UBR2: variants seen among roughly 807,000 people sequenced by gnomAD.
UBR2 encodes the protein E3 ubiquitin-protein ligase UBR2.
In UBR2, 92 loss-of-function variants were observed where a neutral mutation model predicts 247.9. The ratio of observed to expected loss-of-function variants is 0.37; its 90% CI spans 0.31 to 0.44. The LOEUF (loss-of-function observed/expected upper bound fraction) is 0.44, where lower values mean the gene tolerates loss of function less well. Among genes scored for constraint, UBR2 ranks in the 20% least tolerant of loss-of-function variants. The probability of loss-of-function intolerance (pLI) is 1.00; values close to 1 mark genes in which losing one functional copy is unlikely to be tolerated. For missense variants in UBR2, 1,613 were observed against 2,112.6 expected, an observed-to-expected ratio of 0.76 and a Z score of 4.64; for synonymous variants, 672 against 693.5, an observed-to-expected ratio of 0.97 and a Z score of 0.49.
intron 36 of UBR2, among the ~76,000 whole-genome samples, chr6:42,671,866 C>A (rs960042045): frequency 2.0e-5 from 3 of 152,186 alleles, no homozygotes; most frequent in African/African-American, 7.2e-5. Context: ...TGATCCCCAC[C>A]TGTGTATCTC....
rs138557643 is a variant in UBR2, at chr6:42,658,058, A to G, written c.2907A>G (p.Ile969Met). 3.7e-6 allele frequency: 6 copies of G among 1,613,954 alleles called. No individual in the cohort carries two copies. In the African/African-American group the frequency reaches 5.3e-5, roughly 14 times the overall value. ...AAGCGCCAAAAAATTCTCCTAGCATACTAGCTATGCTGGAAACACTACAAA... is the reference window on the plus strand; with the variant it reads ...AAGCGCCAAAAAATTCTCCTAGCATGCTAGCTATGCTGGAAACACTACAAA... Reference protein sequence around the residue: ...PGEAPKNSPSILAMLETLQNA... With the variant: ...PGEAPKNSPSMLAMLETLQNA... Residue 969 changes from isoleucine (I) to methionine (M), a missense_variant, in exon 27 of 47, where the codon ATA becomes ATG. Ile to Met is a conservative substitution (Grantham distance 10). Transcript: ENST00000372901.
At chr6:42,688,171 G>A in intron 44 of UBR2, 45 bp from the exon 45 acceptor site, 1 of 1,613,444 alleles carries the variant, frequency 6.2e-7, no homozygotes, top group East Asian at 2.2e-5. Flanking sequence ...TAGCTCTTTA[G>A]CCACTCTTTA....
chr6:42,617,648 C>A, intron 11 of UBR2, 141 bp downstream of exon 11: 1 of 746,120 alleles, frequency 1.3e-6, no homozygotes, highest in Non-Finnish European at 2.1e-6. Context: ...CTTCACTATT[C>A]TTTTACTAGA....
Position 42,648,142 on chromosome 6 carries a change from A to G in UBR2, c.2434A>G (p.Ser812Gly). ...GGAGAACAAGGAGACTGGCATGGAG[A>G]GTGTAATCGAAGCAGTTGCCCATTT... ...EDENKETGMESVIEAVAHFKK... is the reference protein window; with the variant it reads ...EDENKETGMEGVIEAVAHFKK... The change falls in exon 22 of 47, where the codon AGT (serine) becomes GGT (glycine). Residue 812 changes from serine (S) to glycine (G), a missense_variant. Coordinates refer to ENST00000372901, the MANE Select transcript of UBR2 (RefSeq NM_001363705.2). The G allele has an allele frequency of 6.2e-7, 1 of 1,614,008 alleles. No individual in the cohort carries two copies. Among genetic ancestry groups the G allele is most frequent in the South Asian group, 1.1e-5 (1 of 91,074 alleles).
In UBR2 at chr6:42,658,857, G is replaced by A. The variant is rs745474375; in HGVS notation, c.3242+33G>A. 15 of 1,490,310 alleles carry A rather than the reference G, an allele frequency of 1.0e-5. No homozygotes were observed. In the South Asian group the frequency reaches 2.1e-4, roughly 21 times the overall value. 92.3% of individuals were successfully genotyped at this position (1,490,310 alleles called of 1,614,324 possible). ...AAAAAAAAAAAAAAATTAATGTCTT[G>A]ACGAGTTTTTCCCAACTAGGGGCAG... On this transcript the variant is annotated intron_variant, in intron 29 of 46. Transcript: ENST00000372901.
At chr6:42,650,222 C>T in intron 22 of UBR2, 62 bp from the exon 23 acceptor site, 2 of 1,342,034 alleles carry the variant, frequency 1.5e-6, no homozygotes, top group Non-Finnish European at 2.1e-6. Context: ...ATATCCAAGA[C>T]TATCTCTCAT....
chr6:42,570,641 TTTAC>T (rs1339977747), intron 1 of UBR2, among the ~76,000 whole-genome samples: 1 of 152,088 alleles, frequency 6.6e-6, no homozygotes, highest in East Asian at 1.9e-4. Context: ...ACTTGCTTGT[TTTAC>T]TAATAATATT....
chr6:42,637,268 A>G, intron 15 of UBR2, 74 bp downstream of exon 15: 1 of 1,467,094 alleles, frequency 6.8e-7, no homozygotes, highest in Non-Finnish European at 9.3e-7. Flanking sequence ...ATCTGTGAAT[A>G]CTTACTTTGT....
intron 1 of UBR2, among the ~76,000 whole-genome samples, chr6:42,564,853 C>A (rs1446539103): frequency 6.6e-6 from 1 of 152,180 alleles, no homozygotes; most frequent in Non-Finnish European, 1.5e-5. Flanking sequence ...CCTAACCGAG[C>A]CCCTCTTTTG....
At chr6:42,575,436 G>A (rs987331167) in intron 2 of UBR2, among the ~76,000 whole-genome samples, 1 of 152,160 alleles carries the variant, frequency 6.6e-6, no homozygotes, top group Admixed American at 6.5e-5. Context: ...ATAATTTATG[G>A]ATAGGAAATT....
At position 42,669,962 on chromosome 6, in the gene UBR2, T is replaced by G; in HGVS notation, c.3882-130T>G. On this transcript the variant is annotated intron_variant, in intron 34 of 46. Transcript: ENST00000372901. ...GGCAGTTTGCATTATCTCTGATCAC[T>G]GCATACAATTATCTCTGGATATATG... 3.5e-6 allele frequency: 4 copies of G among 1,141,456 alleles called. No homozygotes were observed. The South Asian group carries it at 6.1e-5, about 17-fold the overall frequency. 70.7% of individuals were successfully genotyped at this position (1,141,456 alleles called of 1,614,324 possible).
In UBR2 at chr6:42,617,526, G is replaced by A. The variant is rs1388592995; in HGVS notation, c.1281+19G>A. The A allele has an allele frequency of 2.6e-6, 4 of 1,547,928 alleles. No homozygotes were observed. The African/African-American group carries it at 5.5e-5, about 21-fold the overall frequency. On this transcript the variant is annotated intron_variant, in intron 11 of 46. Transcript: ENST00000372901. ...TTCACTTGTAAGTACTGAAAGACTA[G>A]AAGAACTTTCTTGTTTTCCATTAAC...
chr6:42,586,593 G>A (rs1459256420), intron 2 of UBR2, among the ~76,000 whole-genome samples: 5 of 116,614 alleles, frequency 4.3e-5, no homozygotes, highest in Admixed American at 1.0e-4. Context: ...ACTGTGTGCT[G>A]CCTTTTGGGT....
chr6:42,578,017 A>G (rs1266524558), intron 2 of UBR2, among the ~76,000 whole-genome samples: 3 of 152,166 alleles, frequency 2.0e-5, no homozygotes, highest in Non-Finnish European at 2.9e-5. Flanking sequence ...AAATCAAGGT[A>G]ACTAGGATAT....
chr6:42,595,426 A>G (rs1792904870), intron 4 of UBR2, among the ~76,000 whole-genome samples: 1 of 152,164 alleles, frequency 6.6e-6, no homozygotes, highest in African/African-American at 2.4e-5. Context: ...TAGGCCTGAT[A>G]TAGATTTGGG....
rs556193034 is a variant in UBR2, at chr6:42,656,182, A to G, written c.2872+459A>G. Among the ~76,000 whole-genome samples the G allele has an allele frequency of 2.6e-5, 4 of 152,320 alleles. No homozygotes were observed. The South Asian group carries it at 8.3e-4, about 32-fold the overall frequency. ...GCTTTTATATTTACATACTTTCTTG[A>G]ACCATTTGTTGTAGACATAATATTT... On this transcript the variant is annotated intron_variant, in intron 26 of 46. Coordinates refer to ENST00000372901, the MANE Select transcript of UBR2 (RefSeq NM_001363705.2).
chr6:42,678,127 G>A (rs751830349), intron 40 of UBR2, among the ~76,000 whole-genome samples: 1 of 152,140 alleles, frequency 6.6e-6, no homozygotes, highest in African/African-American at 2.4e-5. Context: ...ACAAGATCAG[G>A]AGATCGAGAC....
rs55993422 is a variant in UBR2, at chr6:42,571,736, C to CAA, written c.79-1979_79-1978dup. Among the ~76,000 whole-genome samples the CAA allele has an allele frequency of 4.9e-4, 40 of 82,126 alleles. 2 individuals carry two copies. Among genetic ancestry groups the CAA allele is most frequent in the African/African-American group, 1.4e-3 (30 of 21,126 alleles). The allele number at this position is 82,126 out of a possible 152,430, so 53.9% of individuals were successfully genotyped here. A position where few individuals can be genotyped will look rare whatever the true frequency, so the allele number is the denominator to read the frequency against. On this transcript the variant is annotated intron_variant, in intron 1 of 46. Transcript: ENST00000372901. Reference sequence around the variant, plus strand: ...CCAGCCTGGGCGACAGCACGAGACTCAAAAAAAAAAAAAAAAAAAAGCGCT... The same window carrying CAA: ...CCAGCCTGGGCGACAGCACGAGACTCAAAAAAAAAAAAAAAAAAAAAAGCGCT...
At chr6:42,619,451 A>ATTTTTTTTTTTT (rs1310062071) in intron 11 of UBR2, 3 of 23,018 alleles carry the variant, frequency 1.3e-4, no homozygotes, top group Non-Finnish European at 1.9e-4. Context: ...ATATATATAT[A>ATTTTTTTTTTTT]TATTTTTTTT....
Sources: allele counts gnomAD v4.1 joint callset (sites outside exome capture counted in the v4.1 genomes callset), GRCh38; gene constraint gnomAD v4.1.1; transcripts MANE v1.5; gene names NCBI Gene and HGNC (gene_info 2026-07-23, HGNC 2026-07-21).